Variants in STK3 observed in about 807,000 individuals in gnomAD.
The protein encoded by STK3 is serine/threonine-protein kinase 3.
STK3 carries 41 observed loss-of-function variants against 58.0 expected under a neutral mutation model. The observed-to-expected ratio is 0.71, with a 90% CI of 0.55 to 0.92. The LOEUF (loss-of-function observed/expected upper bound fraction) is 0.92, where lower values mean the gene tolerates loss of function less well. Among genes scored for constraint, STK3 ranks in the 40% least tolerant of loss-of-function variants. The probability of loss-of-function intolerance (pLI) is 0.00; values close to 1 mark genes in which losing one functional copy is unlikely to be tolerated. For synonymous variants in STK3, 170 were observed against 191.0 expected, an observed-to-expected ratio of 0.89 and a Z score of 0.91; for missense variants, 479 against 602.7, an observed-to-expected ratio of 0.79 and a Z score of 2.15.
intron 6 of STK3, among the ~76,000 whole-genome samples, chr8:98,639,461 T>G (rs995566448): frequency 6.6e-6 from 1 of 152,162 alleles, no homozygotes; most frequent in African/African-American, 2.4e-5. Context: ...TAAAATGCAA[T>G]ACTCAGTTTC....
At chr8:98,814,771 A>G (rs745362504) in intron 1 of STK3, among the ~76,000 whole-genome samples, 10 of 152,094 alleles carry the variant, frequency 6.6e-5, no homozygotes, top group Admixed American at 2.0e-4. Flanking sequence ...TGGAACCTCA[A>G]CGTCCCAGGC....
At position 98,890,339 on chromosome 8, in the gene STK3, G is replaced by A. The variant is rs543474288; in HGVS notation, c.-78-6505C>T. Among the ~76,000 whole-genome samples, 17 of 152,230 alleles carry A rather than the reference G, an allele frequency of 1.1e-4. 1 individual carries two copies. The highest frequency in any genetic ancestry group is 7.8e-4 in the Admixed American group (12 of 15,292). ...ACCCAGGAATTTTACTCTCGCTTTCGTTCATGTCTTCGTAGCCTAAGACAG... is the reference window on the plus strand; with the variant it reads ...ACCCAGGAATTTTACTCTCGCTTTCATTCATGTCTTCGTAGCCTAAGACAG... On this transcript the variant is annotated intron_variant, in intron 1 of 1. Transcript: ENST00000519420.
chr8:98,370,683 A>G (rs776658304), downstream of STK3, among the ~76,000 whole-genome samples: 2 of 152,176 alleles, frequency 1.3e-5, no homozygotes, highest in Non-Finnish European at 2.9e-5. Context: ...GAATGCTGAC[A>G]TTACCTCTCT....
chr8:98,679,110 A>C (rs762960563), intron 6 of STK3, among the ~76,000 whole-genome samples: 3 of 152,192 alleles, frequency 2.0e-5, no homozygotes, highest in Non-Finnish European at 4.4e-5. Context: ...AGTCACCGTC[A>C]TCTCTCGGTT....
At chr8:98,667,131 G>A (rs1437703435) in intron 6 of STK3, among the ~76,000 whole-genome samples, 2 of 152,064 alleles carry the variant, frequency 1.3e-5, no homozygotes, top group African/African-American at 4.8e-5. Flanking sequence ...GCATAACTAA[G>A]AAAGACAAAC....
At chr8:98,429,064 C>G in intron 3 of STK3, 1 of 1,613,196 alleles carries the variant, frequency 6.2e-7, no homozygotes. Flanking sequence ...GCCACCATCC[C>G]TGCCTGCTGG....
chr8:98,778,729 AG>A (rs1486155855), intron 1 of STK3: 1 of 152,208 alleles, frequency 6.6e-6, no homozygotes, highest in Admixed American at 6.5e-5. Flanking sequence ...TGTCCTTTGT[AG>A]GGACATGGAT....
intron 2 of STK3, among the ~76,000 whole-genome samples, chr8:98,772,789 C>A (rs963860285): frequency 1.3e-4 from 20 of 152,178 alleles, no homozygotes; most frequent in Non-Finnish European, 2.4e-4. Flanking sequence ...ATCTGCTCCC[C>A]CTTTGCCTTC....
At chr8:98,892,518 T>C (rs1838236058) in intron 1 of STK3, among the ~76,000 whole-genome samples, 1 of 152,150 alleles carries the variant, frequency 6.6e-6, no homozygotes, top group Admixed American at 6.5e-5. Flanking sequence ...CACTGTGGGC[T>C]CTCCTATGCC....
chr8:98,565,154 C>T (rs1812372925), intron 8 of STK3, among the ~76,000 whole-genome samples: 1 of 152,110 alleles, frequency 6.6e-6, no homozygotes, highest in African/African-American at 2.4e-5. Flanking sequence ...CAGTGGTTCT[C>T]ACCCAGGCCA....
At chr8:98,856,478 G>T (rs761508985) in intron 3 of STK3, among the ~76,000 whole-genome samples, 5 of 152,200 alleles carry the variant, frequency 3.3e-5, no homozygotes, top group African/African-American at 1.2e-4. Context: ...TAGTCATCAA[G>T]GAGACGCAAA....
At chr8:98,707,045 C>G in intron 5 of STK3, 102 bp downstream of exon 5, 1 of 1,255,130 alleles carries the variant, frequency 8.0e-7, no homozygotes, top group Non-Finnish European at 1.1e-6. Flanking sequence ...TAAAAAACTA[C>G]ACATTTCTTT....
At chr8:98,740,661 C>T (rs752053313) in intron 4 of STK3, among the ~76,000 whole-genome samples, 5 of 152,116 alleles carry the variant, frequency 3.3e-5, no homozygotes, top group South Asian at 2.1e-4. Flanking sequence ...TAAAGACCAT[C>T]GAGGCTAGGA....
chr8:98,594,411 T>C (rs1644846801), intron 7 of STK3, among the ~76,000 whole-genome samples: 1 of 151,722 alleles, frequency 6.6e-6, no homozygotes, highest in Admixed American at 6.6e-5. Flanking sequence ...ACCAGCCTGA[T>C]CAACATGGCG....
At chr8:98,730,737 A>AAC (rs1279914161) in intron 4 of STK3, among the ~76,000 whole-genome samples, 2 of 151,542 alleles carry the variant, frequency 1.3e-5, no homozygotes, top group Non-Finnish European at 2.9e-5. Flanking sequence ...AAAAAAAAAA[A>AAC]ACACCTGTGT....
Position 98,736,104 on chromosome 8 carries a change from A to G in STK3, c.351+13172T>C, listed in dbSNP as rs147215249. ...AAAGATAGCCTACCTAATAGTCAAA[A>G]TAAACATCATCATCACAGTAAAAAT... On this transcript the variant is annotated intron_variant, in intron 4 of 10. Coordinates refer to ENST00000419617, the MANE Select transcript of STK3 (RefSeq NM_006281.4). Among the ~76,000 whole-genome samples the G allele has an allele frequency of 5.5e-3, 834 of 152,280 alleles. 9 individuals carry two copies. The highest frequency in any genetic ancestry group is 0.019 in the African/African-American group (805 of 41,572).
chr8:98,503,128 G>A (rs1823758878), intron 10 of STK3, among the ~76,000 whole-genome samples: 1 of 152,030 alleles, frequency 6.6e-6, no homozygotes, highest in African/African-American at 2.4e-5. Context: ...TGGTTTTTTG[G>A]TCTTGGGAGC....
intron 6 of STK3, among the ~76,000 whole-genome samples, chr8:98,691,352 T>C (rs762333926): frequency 6.6e-6 from 1 of 152,208 alleles, no homozygotes; most frequent in Non-Finnish European, 1.5e-5. Context: ...TACATATATA[T>C]GATTTAATAA....
intron 3 of STK3, chr8:98,427,652 T>G: frequency 5.3e-6 from 1 of 187,512 alleles, no homozygotes; most frequent in Non-Finnish European, 1.1e-5. Context: ...GGCCTGCCCA[T>G]GGACAAGGTC....
Sources: gnomAD v4.1 joint callset for allele counts (sites outside exome capture counted in the v4.1 genomes callset) on GRCh38, gnomAD v4.1.1 for gene constraint, MANE v1.5 for transcripts, NCBI Gene and HGNC (gene_info 2026-07-23, HGNC 2026-07-21) for gene names.